Variants in NOTCH3 observed in about 807,000 individuals in gnomAD.
NOTCH3 encodes notch receptor 3.
In NOTCH3, 86 loss-of-function variants were observed where a neutral mutation model predicts 213.3. That is an observed-to-expected ratio of 0.40 (90% CI 0.34 to 0.48). The LOEUF (loss-of-function observed/expected upper bound fraction) is 0.48. Ranked by LOEUF, NOTCH3 falls within the 20% of genes least tolerant of loss-of-function variation. The probability of loss-of-function intolerance (pLI) is 0.57; values close to 1 mark genes in which losing one functional copy is unlikely to be tolerated. For missense variants in NOTCH3, 2,783 were observed against 3,272.6 expected, an observed-to-expected ratio of 0.85 and a Z score of 3.65; for synonymous variants, 1,354 against 1,355.9, an observed-to-expected ratio of 1.00 and a Z score of 0.03.
rs149543108 is a variant in NOTCH3, at chr19:15,172,591, T to C, written c.4736+1477A>G. Among the ~76,000 whole-genome samples, 210 of 151,388 alleles carry C rather than the reference T, an allele frequency of 1.4e-3. 1 individual carries two copies. Among genetic ancestry groups the C allele is most frequent in the African/African-American group, 4.9e-3 (204 of 41,268 alleles). On this transcript the variant is annotated intron_variant, in intron 25 of 32. Coordinates refer to ENST00000263388, the MANE Select transcript of NOTCH3 (RefSeq NM_000435.3). ...CCACCCCTCTCAGGTCTCTGCCTTC[T>C]CCTCAACAATAGCTACACCTCCCTT...
chr19:15,163,061 G>T (rs2046659234), intron 31 of NOTCH3, among the ~76,000 whole-genome samples: 1 of 152,022 alleles, frequency 6.6e-6, no homozygotes, highest in African/African-American at 2.4e-5. Flanking sequence ...GTACCACCAT[G>T]CCCAGCTGAT....
intron 8 of NOTCH3, 29 bp from the exon 9 acceptor site, chr19:15,188,377 CG>C: frequency 7.0e-7 from 1 of 1,428,942 alleles, no homozygotes; most frequent in Non-Finnish European, 9.8e-7. Context: ...CTTAGGAAAG[CG>C]GGGGCTACCC....
chr19:15,179,991 C>A (rs2046825717), intron 20 of NOTCH3, 81 bp downstream of exon 20: 3 of 978,854 alleles, frequency 3.1e-6, no homozygotes, highest in Non-Finnish European at 4.8e-6. Flanking sequence ...CATACCCATA[C>A]CAAGCCACAC....
At chr19:15,171,146 C>T (rs2145402978) in intron 25 of NOTCH3, among the ~76,000 whole-genome samples, 1 of 152,326 alleles carries the variant, frequency 6.6e-6, no homozygotes, top group East Asian at 1.9e-4. Context: ...CTGCCTCAGC[C>T]TCCCAAGTAG....
chr19:15,168,251 T>C (rs917508023), intron 28 of NOTCH3, among the ~76,000 whole-genome samples: 4 of 152,088 alleles, frequency 2.6e-5, no homozygotes, highest in Non-Finnish European at 4.4e-5. Flanking sequence ...CACAATTACA[T>C]TGGGCCACCC....
In NOTCH3 at chr19:15,181,824, C is replaced by G. The variant is rs370435930; in HGVS notation, c.2567-23G>C. 16 of 1,543,210 alleles carry G rather than the reference C, an allele frequency of 1.0e-5. No homozygotes were observed. In the African/African-American group the frequency reaches 2.1e-4, roughly 20 times the overall value. ...GGTCTGCGGACAGGAGGAAGGCGGT[C>G]TGGTCACCTACCTTGCCCCCATTAG... On this transcript the variant is annotated intron_variant, in intron 16 of 32. Coordinates refer to ENST00000263388, the MANE Select transcript of NOTCH3 (RefSeq NM_000435.3).
intron 16 of NOTCH3, among the ~76,000 whole-genome samples, chr19:15,183,556 T>C (rs1303550603): frequency 6.6e-6 from 1 of 152,068 alleles, no homozygotes; most frequent in East Asian, 1.9e-4. Flanking sequence ...TGCGCCACCA[T>C]GCCCTGCTAA....
chr19:15,182,558 G>T (rs1196870497), intron 16 of NOTCH3, among the ~76,000 whole-genome samples: 1 of 151,106 alleles, frequency 6.6e-6, no homozygotes, highest in Admixed American at 6.6e-5. Flanking sequence ...TTTTATACTG[G>T]TTACATGTTG....
In NOTCH3 at chr19:15,182,506, C is replaced by CA. The variant is rs71168595; in HGVS notation, c.2567-706dup. On this transcript the variant is annotated intron_variant, in intron 16 of 32. Transcript: ENST00000263388. ...TGGGCGACAGAGTGAGAACTTGTCT[C>CA]AAAAAAAAAAAAGGAAACAATGTAA... Among the ~76,000 whole-genome samples, 408 of 141,630 alleles carry CA rather than the reference C, an allele frequency of 2.9e-3. 2 individuals are homozygous for CA. Among genetic ancestry groups the CA allele is most frequent in the African/African-American group, 0.01 (382 of 37,682 alleles). The allele number at this position is 141,630 out of a possible 152,430, so 92.9% of individuals were successfully genotyped here.
chr19:15,198,307 C>T (rs147256880), intron 1 of NOTCH3, among the ~76,000 whole-genome samples: 9 of 152,252 alleles, frequency 5.9e-5, no homozygotes, highest in East Asian at 5.8e-4. Context: ...TGTGTGCATG[C>T]GATCAGGTGT....
At position 15,174,388 on chromosome 19, in the gene NOTCH3, C is replaced by G; in HGVS notation, c.4416G>C (p.Glu1472Asp). 1 of 1,528,108 alleles carries G rather than the reference C, an allele frequency of 6.5e-7. No homozygotes were observed. The highest frequency in any genetic ancestry group is 1.2e-5 in the South Asian group (1 of 81,628). The allele number at this position is 1,528,108 out of a possible 1,614,324, so 94.7% of individuals were successfully genotyped here. ...GRERTCNPVY[E>D]KYCADHFADG... is the part of the protein sequence containing the mutation. ...CGGCAAAGTGGTCGGCGCAGTACTT[C>G]TCGTACACCGGGCTGGTGGGGAAGG... is the stretch of plus-strand genomic sequence containing the variant. Residue 1472 changes from glutamate (E) to aspartate (D), a missense_variant, in exon 25 of 33, where the codon GAG becomes GAC. Glu to Asp is a conservative substitution (Grantham distance 45). Around this residue, in one of 6 missense-constraint regions of NOTCH3, gnomAD observed 636 missense variants for 801.8 expected, o/e 0.79. Transcript: ENST00000263388.
At position 15,173,064 on chromosome 19, in the gene NOTCH3, T is replaced by TC. The variant is rs2046750198; in HGVS notation, c.4736+1003dup. Among the ~76,000 whole-genome samples, 11 of 4,108 alleles carry TC rather than the reference T, an allele frequency of 2.7e-3. 1 individual carries two copies. Among genetic ancestry groups the TC allele is most frequent in the African/African-American group, 0.025 (9 of 354 alleles). 2.7% of individuals were successfully genotyped at this position (4,108 alleles called of 152,430 possible). A position where few individuals can be genotyped will look rare whatever the true frequency, so the allele number is the denominator to read the frequency against. On this transcript the variant is annotated intron_variant, in intron 25 of 32. Coordinates refer to ENST00000263388, the MANE Select transcript of NOTCH3 (RefSeq NM_000435.3). Reference sequence around the variant, plus strand: ...CCCCCTCCCTCCTCCCTCTTCTTCTTCTTCTTCTTCTTCTTCTTCTTCTTC... The same window carrying TC: ...CCCCCTCCCTCCTCCCTCTTCTTCTTCCTTCTTCTTCTTCTTCTTCTTCTTC...
At chr19:15,188,928 G>C (rs2046905525) in intron 8 of NOTCH3, 61 bp downstream of exon 8, 1 of 1,524,688 alleles carries the variant, frequency 6.6e-7, no homozygotes, top group Non-Finnish European at 8.9e-7. Flanking sequence ...CTCCCCATCC[G>C]CGGGCTTCTC....
In NOTCH3 at chr19:15,162,343, A is replaced by T. The variant is rs150259988; in HGVS notation, c.5913+122T>A. 1.6e-5 allele frequency: 13 copies of T among 805,982 alleles called. No homozygotes were observed. In the Admixed American group the frequency reaches 2.8e-4, roughly 17 times the overall value. 49.9% of individuals were successfully genotyped at this position (805,982 alleles called of 1,614,324 possible). On this transcript the variant is annotated intron_variant, in intron 32 of 32. Coordinates refer to ENST00000263388, the MANE Select transcript of NOTCH3 (RefSeq NM_000435.3). The stretch of plus-strand genomic sequence containing the variant: ...AGTCACCAAAGTAAATTATATTTTA[A>T]TCCAATGTTTGGGGTTTTATTTTGT...
intron 25 of NOTCH3, among the ~76,000 whole-genome samples, chr19:15,173,104 CTTTTTTTTT>C (rs1162467192): frequency 4.7e-4 from 9 of 19,242 alleles, no homozygotes; most frequent in East Asian, 1.3e-3. Context: ...TCTTCTTCTT[CTTTTTTTTT>C]TTTTTTTTTT....
intron 2 of NOTCH3, 119 bp downstream of exon 2, chr19:15,197,381 C>A: frequency 1.1e-6 from 1 of 930,654 alleles, no homozygotes; most frequent in South Asian, 1.4e-5. Flanking sequence ...AAGCCACACA[C>A]ATGTAGGAAG....
chr19:15,190,464 CCAG>C (rs2046918370), intron 6 of NOTCH3, among the ~76,000 whole-genome samples: 1 of 152,142 alleles, frequency 6.6e-6, no homozygotes, highest in African/African-American at 2.4e-5. Context: ...AAGGTAACTC[CCAG>C]GAGTTCCCCA....
chr19:15,174,504 T>A, intron 24 of NOTCH3, 104 bp from the exon 25 acceptor site: 1 of 832,082 alleles, frequency 1.2e-6, no homozygotes, highest in Non-Finnish European at 1.8e-6. Context: ...CAGACAAGGC[T>A]TGCACAGGGG....
At chr19:15,167,700 C>T (rs1454147363) in intron 28 of NOTCH3, among the ~76,000 whole-genome samples, 4 of 152,072 alleles carry the variant, frequency 2.6e-5, no homozygotes, top group Admixed American at 1.3e-4. Flanking sequence ...ATTACAGGCA[C>T]ATGCCACGGT....
Sources: gnomAD v4.1 joint callset for allele counts (sites outside exome capture counted in the v4.1 genomes callset) on GRCh38, gnomAD v4.1.1 for gene constraint, gnomAD v4.1.1 regional missense constraint, MANE v1.5 for transcripts, NCBI Gene and HGNC (gene_info 2026-07-23, HGNC 2026-07-21) for gene names.